Variants in POTEE observed in about 807,000 individuals in gnomAD.
POTEE encodes the protein POTE ankyrin domain family member E, also known as ANKRD26-like family C member 1A.
A neutral mutation model predicts 74.2 loss-of-function variants in POTEE; 21 were observed. That is an observed-to-expected ratio of 0.28 (90% CI 0.20 to 0.41). The LOEUF (loss-of-function observed/expected upper bound fraction) is 0.41, where lower values mean the gene tolerates loss of function less well. POTEE is among the 10% of genes least tolerant of loss of function. The pLI is 1.00. For synonymous variants in POTEE, 211 were observed against 432.8 expected, an observed-to-expected ratio of 0.49 and a Z score of 6.36; for missense variants, 525 against 1,158.6, an observed-to-expected ratio of 0.45 and a Z score of 7.94.
Position 131,218,893 on chromosome 2 carries a change from C to T in POTEE, c.491C>T (p.Thr164Ile). 1 of 1,613,286 alleles carries T rather than the reference C, an allele frequency of 6.2e-7. No individual in the cohort carries two copies. The highest frequency in any genetic ancestry group is 8.5e-7 in the Non-Finnish European group (1 of 1,179,984). Residue 164 changes from threonine to isoleucine, a missense_variant, in exon 4 of 18, where the codon ACT becomes ATT. Thr to Ile is a moderately conservative substitution (Grantham distance 89). Transcript: ENST00000683005. ...RKDLIVMLRD[T>I]DVNKKDKQKR... is the part of the protein sequence containing the mutation. ...GATCTCATCGTCATGCTCAGGGACACTGACGTGAACAAGAAGGACAAGCAA... is the reference window on the plus strand; with the variant it reads ...GATCTCATCGTCATGCTCAGGGACATTGACGTGAACAAGAAGGACAAGCAA...
At chr2:131,248,480 G>A (rs1457839000) in intron 13 of POTEE, among the ~76,000 whole-genome samples, 1 of 152,182 alleles carries the variant, frequency 6.6e-6, no homozygotes, top group South Asian at 2.1e-4. Flanking sequence ...AAGAGCAGCA[G>A]GTCAGCAGGA....
At position 131,263,370 on chromosome 2, in the gene POTEE, A is replaced by G. The variant is rs759837471; in HGVS notation, c.1915A>G (p.Lys639Glu). The G allele has an allele frequency of 6.2e-7, 1 of 1,611,588 alleles. No homozygotes were observed. Among genetic ancestry groups the G allele is most frequent in the East Asian group, 2.2e-5 (1 of 44,876 alleles). ...GTTTACTTAGCTTTCTCTTAGTTGT[A>G]AGAAAGAAAAAGACGTCTTGCATGA... is the stretch of plus-strand genomic sequence containing the variant. ...KMNSELSLSC[K>E]KEKDVLHENS... Residue 639 changes from lysine to glutamate, a missense_variant, in exon 18 of 18, where the codon AAG becomes GAG. Transcript: ENST00000683005.
rs1378817117 is a variant in POTEE, at chr2:131,259,370, T to G, written c.1779-2356T>G. Among the ~76,000 whole-genome samples, 1,199 of 144,990 alleles carry G rather than the reference T, an allele frequency of 8.3e-3. 8 individuals carry two copies. Among genetic ancestry groups the G allele is most frequent in the African/African-American group, 0.03 (1,066 of 35,382 alleles). On this transcript the variant is annotated intron_variant, in intron 16 of 17. Coordinates refer to ENST00000683005, the MANE Select transcript of POTEE (RefSeq NM_001083538.3). ...TGAGAGTATGATTTCTTTTATTTTG[T>G]GTAGATATCTGGAAATGAGAATGCT...
chr2:131,224,856 T>C (rs540716592), intron 6 of POTEE, among the ~76,000 whole-genome samples: 2 of 152,204 alleles, frequency 1.3e-5, no homozygotes, highest in African/African-American at 4.8e-5. Context: ...TAGTATCCTA[T>C]TCTGGTAGAA....
chr2:131,215,719 T>TTTGTATAC (rs1700431975), intron 2 of POTEE, among the ~76,000 whole-genome samples: 1 of 138,274 alleles, frequency 7.2e-6, no homozygotes, highest in Non-Finnish European at 1.5e-5. Context: ...CTGGTTTGCA[T>TTTGTATAC]TGATAGGTTT....
rs553809578 is a variant in POTEE, at chr2:131,220,614, A to G, written c.521+1691A>G. On this transcript the variant is annotated intron_variant, in intron 4 of 17. Coordinates refer to ENST00000683005, the MANE Select transcript of POTEE (RefSeq NM_001083538.3). Reference sequence around the variant, plus strand: ...AGGAAAAGATAGCGTTCCTGGTAGAAGAAGGAATGTAAGTTAGAAGAGGAA... The same window carrying G: ...AGGAAAAGATAGCGTTCCTGGTAGAGGAAGGAATGTAAGTTAGAAGAGGAA... Among the ~76,000 whole-genome samples the G allele has an allele frequency of 5.3e-3, 813 of 152,180 alleles. 4 individuals are homozygous for G. Among genetic ancestry groups the G allele is most frequent in the South Asian group, 0.011 (53 of 4,816 alleles).
At chr2:131,219,702 A>G (rs973962577) in intron 4 of POTEE, among the ~76,000 whole-genome samples, 7 of 151,440 alleles carry the variant, frequency 4.6e-5, no homozygotes, top group Non-Finnish European at 8.8e-5. Flanking sequence ...GTGCCACCGC[A>G]CTCCAGCCTG....
chr2:131,210,012 T>TG (rs1225914043), intron 1 of POTEE, among the ~76,000 whole-genome samples, 193 bp downstream of exon 1: 1 of 14,038 alleles, frequency 7.1e-5, no homozygotes, highest in Non-Finnish European at 1.2e-4. Flanking sequence ...GTGGCGGGGG[T>TG]GGTGGGGGGG....
intron 6 of POTEE, among the ~76,000 whole-genome samples, chr2:131,225,852 A>G (rs1025637788): frequency 7.9e-5 from 12 of 152,136 alleles, no homozygotes; most frequent in Non-Finnish European, 1.2e-4. Flanking sequence ...TGTGACTGAG[A>G]CATTAAAATG....
At chr2:131,227,886 CT>C (rs1185506613) in intron 7 of POTEE, among the ~76,000 whole-genome samples, 154 of 148,046 alleles carry the variant, frequency 1.0e-3, no homozygotes, top group African/African-American at 3.8e-3. Context: ...CTCTTACCCC[CT>C]AGCTGATTTT....
At chr2:131,218,119 G>A (rs972955889) in intron 3 of POTEE, 191 bp from the exon 4 acceptor site, 3 of 582,094 alleles carry the variant, frequency 5.2e-6, no homozygotes, top group Admixed American at 6.3e-5. Flanking sequence ...GGGTGGGCTG[G>A]GTGTTTTCTT....
intron 17 of POTEE, among the ~76,000 whole-genome samples, chr2:131,263,127 G>A (rs1701765288): frequency 1.4e-5 from 2 of 139,544 alleles, no homozygotes; most frequent in South Asian, 2.4e-4. Context: ...AGGAATTTAG[G>A]AGCAGATTCC....
intron 9 of POTEE, among the ~76,000 whole-genome samples, chr2:131,231,748 C>A (rs552129756): frequency 0.022 from 3,416 of 152,052 alleles, 141 homozygotes; most frequent in African/African-American, 0.075. Flanking sequence ...TACAAATTGC[C>A]CAACTCTAGG....
chr2:131,211,016 A>T lies in POTEE; in HGVS notation c.-344-12A>T, dbSNP rs1469754835. Among the ~76,000 whole-genome samples, 1 of 150,872 alleles carries T rather than the reference A, an allele frequency of 6.6e-6. No individual in the cohort carries two copies. The highest frequency in any genetic ancestry group is 2.1e-4 in the South Asian group (1 of 4,798). ...AGGCTCTAACGTTACCACTCCCTGC[A>T]TCCCATTCTAGGCTTTTCTGGCTTT... On this transcript the variant is annotated splice_polypyrimidine_tract_variant and intron_variant, in intron 1 of 17. Coordinates refer to ENST00000683005, the MANE Select transcript of POTEE (RefSeq NM_001083538.3).
chr2:131,254,083 C>CT (rs1373746673), intron 16 of POTEE, among the ~76,000 whole-genome samples: 1 of 150,948 alleles, frequency 6.6e-6, no homozygotes, highest in Non-Finnish European at 1.5e-5. Flanking sequence ...GACACTGTAC[C>CT]TTGTTAGCAA....
intron 6 of POTEE, among the ~76,000 whole-genome samples, chr2:131,225,334 A>G (rs1432448733): frequency 7.2e-5 from 11 of 152,032 alleles, no homozygotes; most frequent in Admixed American, 6.6e-4. Flanking sequence ...GCTTGAGCTC[A>G]GGAGTTCGAG....
chr2:131,229,643 C>T lies in POTEE; in HGVS notation c.1056-1193C>T, dbSNP rs1700886779. The T allele has an allele frequency of 2.0e-5, 3 of 152,296 alleles. No homozygotes were observed. The South Asian group carries it at 6.2e-4, about 32-fold the overall frequency. 9.4% of individuals were successfully genotyped at this position (152,296 alleles called of 1,614,324 possible). Reference sequence around the variant, plus strand: ...GGCGGCACATATCCTAAAATTGGAACAATACGGGGAAAGTTAGCATGGCTT... The same window carrying T: ...GGCGGCACATATCCTAAAATTGGAATAATACGGGGAAAGTTAGCATGGCTT... On this transcript the variant is annotated intron_variant, in intron 8 of 17. Transcript: ENST00000683005.
chr2:131,236,501 G>A (rs547082245), intron 9 of POTEE, among the ~76,000 whole-genome samples: 73 of 151,982 alleles, frequency 4.8e-4, no homozygotes, highest in African/African-American at 1.6e-3. Context: ...TGTTTCTGGT[G>A]GTTTTGTTCA....
At chr2:131,219,837 C>G (rs1321688350) in intron 4 of POTEE, among the ~76,000 whole-genome samples, 1 of 151,810 alleles carries the variant, frequency 6.6e-6, no homozygotes, top group Non-Finnish European at 1.5e-5. Flanking sequence ...CACATGCTGT[C>G]TTTTATTATT....
Sources: gnomAD v4.1 joint callset for allele counts (sites outside exome capture counted in the v4.1 genomes callset) on GRCh38, gnomAD v4.1.1 for gene constraint, MANE v1.5 for transcripts, NCBI Gene and HGNC (gene_info 2026-07-23, HGNC 2026-07-21) for gene names.